ADGRL2: variants seen among roughly 807,000 people sequenced by gnomAD.
ADGRL2 encodes calcium-independent alpha-latrotoxin receptor 2.
A neutral mutation model predicts 157.4 loss-of-function variants in ADGRL2; 44 were observed. That is an observed-to-expected ratio of 0.28 (90% confidence interval 0.22 to 0.36). The LOEUF (loss-of-function observed/expected upper bound fraction) is 0.36, where lower values mean the gene tolerates loss of function less well. Ranked by LOEUF, ADGRL2 falls within the 10% of genes least tolerant of loss-of-function variation. The pLI is 1.00. For missense variants in ADGRL2, 1,510 were observed against 1,768.9 expected, an observed-to-expected ratio of 0.85 and a Z score of 2.63; for synonymous variants, 585 against 624.7, an observed-to-expected ratio of 0.94 and a Z score of 0.95.
At chr1:81,891,174 T>A (rs950937172) in intron 2 of ADGRL2, among the ~76,000 whole-genome samples, 2 of 151,684 alleles carry the variant, frequency 1.3e-5, no homozygotes, top group Non-Finnish European at 2.9e-5. Context: ...ATAGTATTAT[T>A]TCTAATATTT....
intron 2 of ADGRL2, among the ~76,000 whole-genome samples, chr1:81,552,623 A>AAC (rs1279227390): frequency 5.3e-5 from 8 of 150,680 alleles, no homozygotes; most frequent in Non-Finnish European, 1.2e-4. Flanking sequence ...AAAAAAAAAA[A>AAC]ACAGAAAAGA....
chr1:81,825,404 A>G lies in ADGRL2; in HGVS notation c.-100-11481A>G, dbSNP rs146828822. Among the ~76,000 whole-genome samples the G allele has an allele frequency of 8.6e-4, 131 of 152,110 alleles. 3 individuals are homozygous for G. The East Asian group carries it at 0.023, about 27-fold the overall frequency. ...TTGCTCTGTTGCCAGGCTGGAGTGCAGTGGCGCAATCTCATCTCACTGCAA... is the reference window on the plus strand; with the variant it reads ...TTGCTCTGTTGCCAGGCTGGAGTGCGGTGGCGCAATCTCATCTCACTGCAA... On this transcript the variant is annotated intron_variant, in intron 1 of 23. Transcript: ENST00000686636.
intron 11 of ADGRL2, among the ~76,000 whole-genome samples, chr1:81,960,041 C>A (rs1191485044): frequency 6.6e-6 from 1 of 152,150 alleles, no homozygotes; most frequent in African/African-American, 2.4e-5. Context: ...CTAAGGTGAT[C>A]CACCCACCTT....
chr1:81,386,996 C>T (rs555674627), intron 1 of ADGRL2, among the ~76,000 whole-genome samples: 2 of 152,230 alleles, frequency 1.3e-5, no homozygotes, highest in South Asian at 4.1e-4. Flanking sequence ...GGCAATATGT[C>T]ACAAATATTA....
At chr1:81,680,304 C>G (rs1341990831) in intron 3 of ADGRL2, among the ~76,000 whole-genome samples, 1 of 152,178 alleles carries the variant, frequency 6.6e-6, no homozygotes, top group Non-Finnish European at 1.5e-5. Context: ...AAACTTAAAT[C>G]TCTTCTTATA....
chr1:81,587,281 T>G (rs1012230373), intron 3 of ADGRL2, among the ~76,000 whole-genome samples: 3 of 152,048 alleles, frequency 2.0e-5, no homozygotes, highest in Non-Finnish European at 4.4e-5. Flanking sequence ...AATACAAGTG[T>G]GTACTTAGTG....
intron 2 of ADGRL2, among the ~76,000 whole-genome samples, chr1:81,529,197 C>A (rs1325277227): frequency 2.0e-5 from 3 of 152,144 alleles, no homozygotes; most frequent in Non-Finnish European, 4.4e-5. Context: ...GAAGTAGGAG[C>A]TGTGACCCCA....
chr1:81,562,953 G>A (rs1425817457), intron 2 of ADGRL2, among the ~76,000 whole-genome samples: 4 of 152,038 alleles, frequency 2.6e-5, no homozygotes, highest in African/African-American at 9.7e-5. Context: ...TCAACAATAT[G>A]TCTGTATTTC....
chr1:81,395,072 C>T (rs975986827), intron 1 of ADGRL2, among the ~76,000 whole-genome samples: 2 of 151,880 alleles, frequency 1.3e-5, no homozygotes, highest in Non-Finnish European at 2.9e-5. Context: ...CCACCAAGCC[C>T]AGCTAATTTT....
At chr1:81,530,355 T>C (rs182113981) in intron 2 of ADGRL2, among the ~76,000 whole-genome samples, 22 of 152,202 alleles carry the variant, frequency 1.4e-4, no homozygotes, top group African/African-American at 5.3e-4. Context: ...TTATTATTTG[T>C]ATTTTTTTTG....
At chr1:81,881,993 CT>C (rs1196284207) in intron 2 of ADGRL2, among the ~76,000 whole-genome samples, 1 of 151,978 alleles carries the variant, frequency 6.6e-6, no homozygotes, top group Admixed American at 6.6e-5. Flanking sequence ...CTGAGTCTAT[CT>C]TTTTAATGGG....
chr1:81,763,372 G>T (rs2085969063), intron 2 of ADGRL2, among the ~76,000 whole-genome samples: 1 of 151,450 alleles, frequency 6.6e-6, no homozygotes, highest in Non-Finnish European at 1.5e-5. Flanking sequence ...ATCACCTAAG[G>T]TCAGGAGTTT....
At chr1:81,980,318 G>T (rs1661290648) in intron 18 of ADGRL2, among the ~76,000 whole-genome samples, 1 of 151,638 alleles carries the variant, frequency 6.6e-6, no homozygotes, top group African/African-American at 2.4e-5. Context: ...TAAGGATTCT[G>T]AGCAGTTTCC....
At chr1:81,614,114 T>A (rs2081596418) in intron 3 of ADGRL2, among the ~76,000 whole-genome samples, 1 of 152,184 alleles carries the variant, frequency 6.6e-6, no homozygotes, top group Admixed American at 6.5e-5. Flanking sequence ...GCATAATACC[T>A]CTAAACTCCT....
chr1:81,519,009 A>G (rs1244671593), intron 2 of ADGRL2, among the ~76,000 whole-genome samples: 2 of 152,002 alleles, frequency 1.3e-5, no homozygotes, highest in Admixed American at 1.3e-4. Context: ...GCATTTCCCT[A>G]TGTATTTACT....
intron 11 of ADGRL2, 75 bp downstream of exon 11, chr1:81,956,135 A>T (rs958508439): frequency 2.6e-6 from 3 of 1,145,442 alleles, no homozygotes; most frequent in Middle Eastern, 2.2e-4. Flanking sequence ...TCCATTCTGT[A>T]TCTGTTATTT....
intron 1 of ADGRL2, among the ~76,000 whole-genome samples, chr1:81,370,658 C>A (rs991823151): frequency 3.9e-5 from 6 of 152,246 alleles, no homozygotes; most frequent in African/African-American, 1.4e-4. Flanking sequence ...ACAGTTATAA[C>A]TTATATTGCC....
At chr1:81,965,838 G>A (rs1006052615) in intron 11 of ADGRL2, among the ~76,000 whole-genome samples, 3 of 152,142 alleles carry the variant, frequency 2.0e-5, no homozygotes, top group Non-Finnish European at 4.4e-5. Context: ...GAAGGTGTTA[G>A]AATGACAATA....
At chr1:81,972,984 C>G (rs1333879765) in intron 17 of ADGRL2, among the ~76,000 whole-genome samples, 1 of 150,272 alleles carries the variant, frequency 6.7e-6, no homozygotes, top group Non-Finnish European at 1.5e-5. Flanking sequence ...GAAAAGGAAA[C>G]ATAAATACTT....
Sources: gnomAD v4.1 joint callset for allele counts (sites outside exome capture counted in the v4.1 genomes callset) on GRCh38, gnomAD v4.1.1 for gene constraint, MANE v1.5 for transcripts, NCBI Gene and HGNC (gene_info 2026-07-23, HGNC 2026-07-21) for gene names.